The following MMP26 variants were observed in gnomAD, a reference collection of about 807,000 sequenced individuals.
MMP26 encodes the protein matrix metallopeptidase 26, also known as matrix metalloproteinase-26.
MMP26 carries 33 observed loss-of-function variants against 31.0 expected under a neutral mutation model. The observed-to-expected ratio is 1.06, with a 90% CI of 0.81 to 1.42. The LOEUF (loss-of-function observed/expected upper bound fraction) is 1.42. Ranked by LOEUF, MMP26 falls within the 40% of genes most tolerant of loss-of-function variation. The pLI, the probability that MMP26 is intolerant of heterozygous loss-of-function variation, is 0.00. For synonymous variants in MMP26, 122 were observed against 114.9 expected (o/e 1.06, Z -0.40); for missense variants, 347 against 316.1 (o/e 1.10, Z -0.74).
chr11:4,736,036 C>T (rs886386735), intron 1 of MMP26: 2 of 151,972 alleles, frequency 1.3e-5, no homozygotes, highest in South Asian at 4.2e-4. Flanking sequence ...AACTGCATCC[C>T]CTATGCAACC....
intron 1 of MMP26, among the ~76,000 whole-genome samples, chr11:4,742,221 T>C (rs1848323932): frequency 6.6e-6 from 1 of 152,250 alleles, no homozygotes; most frequent in African/African-American, 2.4e-5. Flanking sequence ...AATTAAATGT[T>C]AATCACAACA....
At chr11:4,850,509 A>G (rs1362781970) in intron 2 of MMP26, among the ~76,000 whole-genome samples, 1 of 152,190 alleles carries the variant, frequency 6.6e-6, no homozygotes, top group Non-Finnish European at 1.5e-5. Context: ...GACTGGACAC[A>G]CACCATAGTC....
chr11:4,960,947 A>C (rs74052701), intron 2 of MMP26, among the ~76,000 whole-genome samples: 2,891 of 152,296 alleles, frequency 0.019, 107 homozygotes, highest in African/African-American at 0.064. Context: ...AAGATAAGTC[A>C]AAAAGGGAAA....
intron 2 of MMP26, among the ~76,000 whole-genome samples, chr11:4,936,803 C>T (rs1408224524): frequency 6.6e-6 from 1 of 152,034 alleles, no homozygotes; most frequent in African/African-American, 2.4e-5. Context: ...AAAATATACC[C>T]TTTGTAATAA....
chr11:4,989,098 A>T (rs544311141), intron 3 of MMP26, among the ~76,000 whole-genome samples: 1 of 152,228 alleles, frequency 6.6e-6, no homozygotes, highest in Non-Finnish European at 1.5e-5. Flanking sequence ...TTACAATACA[A>T]TGTGCTTTTT....
intron 1 of MMP26, among the ~76,000 whole-genome samples, chr11:4,741,789 A>G (rs1437411719): frequency 6.6e-6 from 1 of 152,174 alleles, no homozygotes; most frequent in African/African-American, 2.4e-5. Flanking sequence ...AATTAAAACA[A>G]CAACAACAAC....
chr11:4,940,607 T>C (rs889566177), intron 2 of MMP26, among the ~76,000 whole-genome samples: 6 of 152,190 alleles, frequency 3.9e-5, no homozygotes, highest in Non-Finnish European at 8.8e-5. Flanking sequence ...TATGAAGCTC[T>C]AAGAGCCCCT....
At chr11:4,740,012 A>G (rs1848291239) in intron 1 of MMP26, among the ~76,000 whole-genome samples, 1 of 152,194 alleles carries the variant, frequency 6.6e-6, no homozygotes, top group Non-Finnish European at 1.5e-5. Context: ...AGAAAATTTC[A>G]GGTATGGATT....
chr11:4,929,888 A>G (rs1221275356), intron 2 of MMP26, among the ~76,000 whole-genome samples: 2 of 152,164 alleles, frequency 1.3e-5, no homozygotes, highest in Non-Finnish European at 2.9e-5. Context: ...AGCATTAAAG[A>G]TACAGATTTT....
At chr11:4,973,112 G>A (rs537472476) in intron 2 of MMP26, 3 of 201,162 alleles carry the variant, frequency 1.5e-5, no homozygotes, top group African/African-American at 7.1e-5. Flanking sequence ...GACAGCTAGG[G>A]AGATAATGGG....
At chr11:4,921,179 C>G (rs1851177868) in intron 2 of MMP26, among the ~76,000 whole-genome samples, 1 of 152,104 alleles carries the variant, frequency 6.6e-6, no homozygotes, top group Non-Finnish European at 1.5e-5. Flanking sequence ...GATGAAGTAC[C>G]TATCTTATTT....
intron 2 of MMP26, chr11:4,803,549 G>A (rs755868815): frequency 6.2e-7 from 1 of 1,613,982 alleles, no homozygotes; most frequent in South Asian, 1.1e-5. Context: ...TTAGCAAACA[G>A]GATGTGTACA....
At chr11:4,786,527 A>G (rs936433686) in intron 2 of MMP26, among the ~76,000 whole-genome samples, 3 of 131,532 alleles carry the variant, frequency 2.3e-5, no homozygotes, top group Non-Finnish European at 3.3e-5. Flanking sequence ...TTTTTTTACC[A>G]AAACTGTTGT....
At chr11:4,713,866 C>G (rs1334822662) in intron 1 of MMP26, among the ~76,000 whole-genome samples, 14 of 151,900 alleles carry the variant, frequency 9.2e-5, no homozygotes. Flanking sequence ...CACATAAGAT[C>G]AAAGACCTGT....
chr11:4,793,522 G>T (rs1243120360), intron 2 of MMP26, among the ~76,000 whole-genome samples: 2 of 152,100 alleles, frequency 1.3e-5, no homozygotes, highest in Non-Finnish European at 2.9e-5. Flanking sequence ...ATGTCTGTGT[G>T]GAATCATGAT....
chr11:4,739,971 T>C (rs1209001199), intron 1 of MMP26, among the ~76,000 whole-genome samples: 1 of 152,200 alleles, frequency 6.6e-6, no homozygotes, highest in Non-Finnish European at 1.5e-5. Context: ...ATATCCTAAA[T>C]ATATGAAATA....
intron 1 of MMP26, among the ~76,000 whole-genome samples, chr11:4,747,713 G>C (rs1284200039): frequency 2.0e-5 from 3 of 152,088 alleles, no homozygotes; most frequent in Non-Finnish European, 2.9e-5. Context: ...AAAGGATTTT[G>C]ATGCCTAAAC....
intron 2 of MMP26, among the ~76,000 whole-genome samples, chr11:4,827,073 G>A (rs955077425): frequency 3.9e-5 from 6 of 152,098 alleles, no homozygotes; most frequent in African/African-American, 7.2e-5. Context: ...CATGGCACGC[G>A]CCTAGGTTGA....
intron 2 of MMP26, among the ~76,000 whole-genome samples, chr11:4,939,555 A>G (rs1178407245): frequency 2.6e-5 from 4 of 152,236 alleles, no homozygotes; most frequent in Non-Finnish European, 5.9e-5. Flanking sequence ...TTAACTCTCT[A>G]TTTAAACATT....
Sources: gnomAD v4.1 joint callset for allele counts (sites outside exome capture counted in the v4.1 genomes callset) on GRCh38, gnomAD v4.1.1 for gene constraint, MANE v1.5 for transcripts, NCBI Gene and HGNC (gene_info 2026-07-23, HGNC 2026-07-21) for gene names.